ATP2A2: variants seen among roughly 807,000 people sequenced by gnomAD.
The protein encoded by ATP2A2 is sarcoplasmic/endoplasmic reticulum calcium ATPase 2.
Under a neutral mutation model 109.3 loss-of-function variants are expected in ATP2A2, and 14 were observed. That is an observed-to-expected ratio of 0.13 (90% CI 0.08 to 0.20). ATP2A2 has a LOEUF of 0.20. Ranked by LOEUF, ATP2A2 falls within the 10% of genes least tolerant of loss-of-function variation. ATP2A2 has a pLI of 1.00. For synonymous variants in ATP2A2, 506 were observed against 490.9 expected (o/e 1.03, Z -0.41); for missense variants, 657 against 1,321.6 (o/e 0.50, Z 7.80).
chr12:110,336,537 C>T (rs1878860235), intron 11 of ATP2A2, among the ~76,000 whole-genome samples: 1 of 152,084 alleles, frequency 6.6e-6, no homozygotes, highest in Non-Finnish European at 1.5e-5. Flanking sequence ...ATTTTAGTGA[C>T]CACACAAAAT....
rs573190475 is a variant in ATP2A2 at position 110,340,075 on chromosome 12, A to G, written c.1761+354A>G. Among the ~76,000 whole-genome samples, 1 of 152,286 alleles carries G rather than the reference A, an allele frequency of 6.6e-6. No homozygotes were observed. The highest frequency in any genetic ancestry group is 1.9e-4 in the East Asian group (1 of 5,190). ...CTGAAGGTCAAAAGATCCAAGTTGG[A>G]GATTACTTCCACTTTTCTACTCAGA... On this transcript the variant is annotated intron_variant, in intron 13 of 19. Transcript: ENST00000539276. The surrounding 1 kb of genome is among the most constrained non-coding windows in gnomAD (Gnocchi z 6.0).
intron 5 of ATP2A2, among the ~76,000 whole-genome samples, chr12:110,308,998 T>C (rs1355496264): frequency 6.6e-6 from 1 of 152,078 alleles, no homozygotes; most frequent in Non-Finnish European, 1.5e-5. Context: ...GTTTGGAATG[T>C]AAGGGTCATC....
chr12:110,321,556 C>T (rs571899896), intron 5 of ATP2A2, among the ~76,000 whole-genome samples: 6 of 152,280 alleles, frequency 3.9e-5, no homozygotes, highest in African/African-American at 1.2e-4. Flanking sequence ...CTGCAACCGT[C>T]TGAGTAGCTG....
At chr12:110,343,489 A>T in intron 16 of ATP2A2, 55 bp downstream of exon 16, 1 of 1,590,096 alleles carries the variant, frequency 6.3e-7, no homozygotes, top group African/African-American at 1.3e-5. Flanking sequence ...TGTGAGCTGA[A>T]ATTTTGTAAA....
In ATP2A2 at chr12:110,347,233, G is replaced by A; in HGVS notation, c.*763G>A. 2 of 1,207,388 alleles carry A rather than the reference G, an allele frequency of 1.7e-6. No homozygotes were observed. Among genetic ancestry groups the A allele is most frequent in the Non-Finnish European group, 2.1e-6 (2 of 950,652 alleles). The allele number at this position is 1,207,388 out of a possible 1,614,324, so 74.8% of individuals were successfully genotyped here. A position where few individuals can be genotyped will look rare whatever the true frequency, so the allele number is the denominator to read the frequency against. On this transcript the variant is annotated 3_prime_UTR_variant, in exon 20 of 20. Transcript: ENST00000539276. ...ATTTAAATGTCTAATGTATTTTATT[G>A]TAACAGACATTGTTTTGCCAACATT...
In ATP2A2 at chr12:110,340,913, C is replaced by G; in HGVS notation, c.2016C>G (p.Ala672=). ...CCCAGCGAGACGCCTGCCTGAACGC[C>G]CGCTGTTTTGCTCGAGTTGAACCCT... is the stretch of plus-strand genomic sequence containing the variant. ...PSAQRDACLN[A]RCFARVEPSH... is the part of the protein sequence containing the mutation. The change falls in exon 14 of 20, where the codon GCC becomes GCG. Residue 672 remains alanine (A), a synonymous_variant. Coordinates refer to ENST00000539276, the MANE Select transcript of ATP2A2 (RefSeq NM_170665.4). The surrounding 1 kb of genome is among the most constrained non-coding windows in gnomAD (Gnocchi z 6.0). 1 of 1,614,192 alleles carries G rather than the reference C, an allele frequency of 6.2e-7. No individual in the cohort carries two copies. Among genetic ancestry groups the G allele is most frequent in the African/African-American group, 1.3e-5 (1 of 75,054 alleles).
At chr12:110,281,948 G>A (rs749968705) in intron 1 of ATP2A2, 41 bp downstream of exon 1, 2 of 1,487,264 alleles carry the variant, frequency 1.3e-6, no homozygotes, top group Admixed American at 2.0e-5. Context: ...CGGCGCGGCC[G>A]GGAGAGCCAG....
intron 18 of ATP2A2, 66 bp downstream of exon 18, chr12:110,345,448 G>T: frequency 6.3e-7 from 1 of 1,599,008 alleles, no homozygotes. Flanking sequence ...GGAATTGTGT[G>T]TAGTCACGGT....
rs745496911 is a variant in ATP2A2 at position 110,292,172 on chromosome 12, G to A, written c.324+48G>A. Reference sequence around the variant, plus strand: ...CAAAATTTCAATAAGTTATGTAAGTGATTAGGGCTGTATTAATCTTTCTGT... The same window carrying A: ...CAAAATTTCAATAAGTTATGTAAGTAATTAGGGCTGTATTAATCTTTCTGT... On this transcript the variant is annotated intron_variant, in intron 4 of 19. Coordinates refer to ENST00000539276, the MANE Select transcript of ATP2A2 (RefSeq NM_170665.4). 1.3e-5 allele frequency: 17 copies of A among 1,282,088 alleles called. No homozygotes were observed. The Admixed American group carries it at 2.0e-4, about 15-fold the overall frequency. The allele number at this position is 1,282,088 out of a possible 1,614,324, so 79.4% of individuals were successfully genotyped here. A position where few individuals can be genotyped will look rare whatever the true frequency, so the allele number is the denominator to read the frequency against.
chr12:110,305,931 T>C (rs549069983), intron 5 of ATP2A2, among the ~76,000 whole-genome samples: 142 of 152,190 alleles, frequency 9.3e-4, no homozygotes, highest in African/African-American at 3.3e-3. Flanking sequence ...GTTGTCAGTG[T>C]TCAAGTCTTG....
chr12:110,348,331 C>A lies in ATP2A2; in HGVS notation c.*1861C>A. 1 of 985,270 alleles carries A rather than the reference C, an allele frequency of 1.0e-6. No individual in the cohort carries two copies. The highest frequency in any genetic ancestry group is 4.7e-5 in the South Asian group (1 of 21,276). The allele number at this position is 985,270 out of a possible 1,614,324, so 61.0% of individuals were successfully genotyped here. On this transcript the variant is annotated 3_prime_UTR_variant, in exon 20 of 20. Transcript: ENST00000539276. The stretch of plus-strand genomic sequence containing the variant: ...TAGCTCTGCAGGGGATGTTAAAGCA[C>A]AGTTAGTAGGACGTGGCTCTGCACA...
chr12:110,323,744 CTTGTGCCT>C (rs1285335722), intron 6 of ATP2A2, among the ~76,000 whole-genome samples: 1 of 152,164 alleles, frequency 6.6e-6, no homozygotes, highest in Non-Finnish European at 1.5e-5. Context: ...GTGAGCCATG[CTTGTGCCT>C]CTGCACTCCA....
intron 5 of ATP2A2, among the ~76,000 whole-genome samples, chr12:110,297,339 G>A (rs535274385): frequency 7.3e-5 from 11 of 151,090 alleles, no homozygotes; most frequent in African/African-American, 2.7e-4. Flanking sequence ...TGAGGCTGCA[G>A]CAGGAAGAAT....
rs921861678 is a variant in ATP2A2 at position 110,281,628 on chromosome 12, G to A, written c.-162G>A. The A allele has an allele frequency of 2.4e-6, 1 of 421,164 alleles. No individual in the cohort carries two copies. The highest frequency in any genetic ancestry group is 4.1e-6 in the Non-Finnish European group (1 of 241,386). The allele number at this position is 421,164 out of a possible 1,614,324, so 26.1% of individuals were successfully genotyped here. A position where few individuals can be genotyped will look rare whatever the true frequency, so the allele number is the denominator to read the frequency against. ...CGGTTGTCTGGGGGAGGGGGCGCGG[G>A]GTGATTCAGCGCCCGGCGAGGCGGA... On this transcript the variant is annotated 5_prime_UTR_variant, in exon 1 of 20. Coordinates refer to ENST00000539276, the MANE Select transcript of ATP2A2 (RefSeq NM_170665.4).
chr12:110,296,873 T>A (rs1364822851), intron 5 of ATP2A2, 136 bp downstream of exon 5: 3 of 1,021,944 alleles, frequency 2.9e-6, no homozygotes, highest in Non-Finnish European at 4.3e-6. Flanking sequence ...TTCATACAAA[T>A]CCTACATTCT....
At chr12:110,309,844 T>C (rs1019173040) in intron 5 of ATP2A2, among the ~76,000 whole-genome samples, 3 of 151,498 alleles carry the variant, frequency 2.0e-5, no homozygotes, top group Admixed American at 2.0e-4. Context: ...AGGTCGAGGC[T>C]GTGGCAGTGA....
At chr12:110,319,420 C>T (rs1397683058) in intron 5 of ATP2A2, among the ~76,000 whole-genome samples, 1 of 151,518 alleles carries the variant, frequency 6.6e-6, no homozygotes, top group Non-Finnish European at 1.5e-5. Flanking sequence ...AAGGGTTTCC[C>T]AGGCATTTGA....
chr12:110,340,709 C>T lies in ATP2A2; in HGVS notation c.1812C>T (p.Ile604=), dbSNP rs774721089. 30 of 1,613,978 alleles carry T rather than the reference C, an allele frequency of 1.9e-5. No homozygotes were observed. The highest frequency in any genetic ancestry group is 1.6e-4 in the Middle Eastern group (1 of 6,084). The change falls in exon 14 of 20, where the codon ATC becomes ATT. Residue 604 remains isoleucine, a synonymous_variant. Coordinates refer to ENST00000539276, the MANE Select transcript of ATP2A2 (RefSeq NM_170665.4). This position sits in a 1 kb window ranked among gnomAD's most constrained non-coding sequence, Gnocchi z 6.0. The part of the protein sequence containing the change: ...GCVGMLDPPR[I]EVASSVKLCR... The stretch of plus-strand genomic sequence containing the variant: ...TGGGCATGCTGGATCCTCCGAGAAT[C>T]GAGGTGGCCTCCTCCGTGAAGCTGT...
At chr12:110,326,852 C>A (rs1312212667) in intron 7 of ATP2A2, among the ~76,000 whole-genome samples, 1 of 152,164 alleles carries the variant, frequency 6.6e-6, no homozygotes, top group Non-Finnish European at 1.5e-5. Context: ...AGAGAGAAAG[C>A]AAACATGGCA....
Sources: gnomAD v4.1 joint callset for allele counts (sites outside exome capture counted in the v4.1 genomes callset) on GRCh38, gnomAD v4.1.1 for gene constraint, Gnocchi (gnomAD v3.1) non-coding constraint, MANE v1.5 for transcripts, NCBI Gene and HGNC (gene_info 2026-07-23, HGNC 2026-07-21) for gene names.